ROBO2: variants seen among roughly 807,000 people sequenced by gnomAD.
ROBO2 encodes the protein roundabout guidance receptor 2.
ROBO2 carries 53 observed loss-of-function variants against 160.8 expected under a neutral mutation model. That is an observed-to-expected ratio of 0.33 (90% confidence interval 0.26 to 0.41). ROBO2 has a LOEUF of 0.41. ROBO2 is among the 10% of genes least tolerant of loss of function. The pLI is 1.00. For synonymous variants in ROBO2, 664 were observed against 611.7 expected, an observed-to-expected ratio of 1.09 and a Z score of -1.26; for missense variants, 1,577 against 1,722.4, an observed-to-expected ratio of 0.92 and a Z score of 1.49.
chr3:76,477,686 C>T (rs2079000255), intron 2 of ROBO2, among the ~76,000 whole-genome samples: 1 of 151,996 alleles, frequency 6.6e-6, no homozygotes, highest in African/African-American at 2.4e-5. Context: ...TTTGCTGCTG[C>T]TCAAATTTAT....
intron 2 of ROBO2, among the ~76,000 whole-genome samples, chr3:77,146,607 A>T (rs2077137557): frequency 6.6e-6 from 1 of 152,134 alleles, no homozygotes; most frequent in Non-Finnish European, 1.5e-5. Context: ...CAATGATGTC[A>T]TTGCAAAAAA....
At chr3:76,409,093 G>A (rs1332039657) in intron 2 of ROBO2, among the ~76,000 whole-genome samples, 3 of 151,882 alleles carry the variant, frequency 2.0e-5, no homozygotes, top group African/African-American at 7.2e-5. Context: ...TTCAAATTTT[G>A]TTTTAGTTTT....
intron 2 of ROBO2, among the ~76,000 whole-genome samples, chr3:76,110,706 G>T (rs184330114): frequency 1.3e-5 from 2 of 151,862 alleles, no homozygotes; most frequent in African/African-American, 2.4e-5. Context: ...GATGGAAAAG[G>T]CATTTATGGT....
intron 2 of ROBO2, among the ~76,000 whole-genome samples, chr3:76,228,717 A>G (rs1704441378): frequency 6.6e-6 from 1 of 152,206 alleles, no homozygotes; most frequent in Admixed American, 6.5e-5. Context: ...AAACCAAACC[A>G]GTTTACTGAC....
chr3:76,555,443 A>AAAGAAGG (rs2083726254), intron 2 of ROBO2, among the ~76,000 whole-genome samples: 3 of 138,882 alleles, frequency 2.2e-5, no homozygotes, highest in African/African-American at 7.8e-5. Flanking sequence ...GAAGGGGAAG[A>AAAGAAGG]GGAAGAGGAA....
intron 2 of ROBO2, among the ~76,000 whole-genome samples, chr3:77,390,892 CTCTT>C (rs1053549764): frequency 4.6e-5 from 7 of 152,084 alleles, no homozygotes; most frequent in Admixed American, 1.3e-4. Context: ...TCTCACCAGT[CTCTT>C]TCTCTCTTTC....
intron 5 of ROBO2, among the ~76,000 whole-genome samples, chr3:77,504,657 C>T (rs1282351089): frequency 3.3e-5 from 5 of 152,050 alleles, no homozygotes; most frequent in Non-Finnish European, 7.4e-5. Flanking sequence ...AACCCCAAAT[C>T]GCCAGACTAG....
At chr3:76,809,862 G>T (rs1170611118) in intron 2 of ROBO2, among the ~76,000 whole-genome samples, 2 of 151,664 alleles carry the variant, frequency 1.3e-5, no homozygotes, top group Non-Finnish European at 2.9e-5. Context: ...GAAAATTAAT[G>T]GCAGAATACA....
At chr3:76,279,801 T>G (rs1708136080) in intron 2 of ROBO2, among the ~76,000 whole-genome samples, 1 of 151,786 alleles carries the variant, frequency 6.6e-6, no homozygotes, top group Non-Finnish European at 1.5e-5. Flanking sequence ...AAAACAAAAG[T>G]CTGTAAATTT....
chr3:76,513,178 A>C (rs1006271515), intron 2 of ROBO2, among the ~76,000 whole-genome samples: 1 of 152,114 alleles, frequency 6.6e-6, no homozygotes, highest in African/African-American at 2.4e-5. Flanking sequence ...AAGAGCTATA[A>C]ATTTTATTCA....
At chr3:76,317,929 C>G (rs1233463696) in intron 2 of ROBO2, among the ~76,000 whole-genome samples, 1 of 151,708 alleles carries the variant, frequency 6.6e-6, no homozygotes, top group Non-Finnish European at 1.5e-5. Context: ...GAAAATATGT[C>G]CTGAGTATTT....
chr3:76,228,028 A>G (rs1474809325), intron 2 of ROBO2, among the ~76,000 whole-genome samples: 1 of 152,216 alleles, frequency 6.6e-6, no homozygotes, highest in Admixed American at 6.5e-5. Flanking sequence ...ATTGACTAAG[A>G]ATCTTACATA....
intron 2 of ROBO2, among the ~76,000 whole-genome samples, chr3:76,134,443 C>A (rs1270694776): frequency 6.6e-6 from 1 of 152,034 alleles, no homozygotes; most frequent in Non-Finnish European, 1.5e-5. Context: ...TGTTCTATGG[C>A]AAAACGTAAG....
At chr3:76,254,045 A>G (rs1447295156) in intron 2 of ROBO2, among the ~76,000 whole-genome samples, 1 of 152,104 alleles carries the variant, frequency 6.6e-6, no homozygotes. Context: ...GCTGTCTACA[A>G]AATAAAGTGG....
At chr3:76,102,419 A>G (rs1264652125) in intron 2 of ROBO2, among the ~76,000 whole-genome samples, 1 of 152,212 alleles carries the variant, frequency 6.6e-6, no homozygotes, top group African/African-American at 2.4e-5. Flanking sequence ...AGTGAGAAAA[A>G]ATAATACCTG....
At chr3:77,202,454 C>T (rs940561108) in intron 2 of ROBO2, among the ~76,000 whole-genome samples, 1 of 152,230 alleles carries the variant, frequency 6.6e-6, no homozygotes, top group Non-Finnish European at 1.5e-5. Context: ...TTTTAATATA[C>T]ATCTGTCATC....
chr3:77,123,969 C>CTATCTATATAGATATATATG lies in ROBO2; in HGVS notation c.388+25649_388+25668dup, dbSNP rs1276657053. ...CTATATAGATAGATATGTAGATAAT[C>CTATCTATATAGATATATATG]TATCTATATAGATATATATGTATCT... is the stretch of plus-strand genomic sequence containing the variant. On this transcript the variant is annotated intron_variant, in intron 2 of 25. Transcript: ENST00000461745. Among the ~76,000 whole-genome samples, 681 of 149,608 alleles carry CTATCTATATAGATATATATG rather than the reference C, an allele frequency of 4.6e-3. 5 individuals are homozygous for CTATCTATATAGATATATATG. The highest frequency in any genetic ancestry group is 0.015 in the African/African-American group (607 of 40,802).
intron 2 of ROBO2, among the ~76,000 whole-genome samples, chr3:76,217,461 T>TA (rs1703626660): frequency 6.6e-6 from 1 of 151,832 alleles, no homozygotes; most frequent in African/African-American, 2.4e-5. Flanking sequence ...ATAGACGCAA[T>TA]AAAAAATGAC....
At chr3:77,575,517 T>A (rs2093740477) in intron 14 of ROBO2, among the ~76,000 whole-genome samples, 1 of 152,114 alleles carries the variant, frequency 6.6e-6, no homozygotes, top group African/African-American at 2.4e-5. Context: ...CACGTTAACA[T>A]CTATGTGCTT....
Sources: allele counts gnomAD v4.1 joint callset (sites outside exome capture counted in the v4.1 genomes callset), GRCh38; gene constraint gnomAD v4.1.1; transcripts MANE v1.5; gene names NCBI Gene and HGNC (gene_info 2026-07-23, HGNC 2026-07-21).